Variants in LAMA2 observed in about 807,000 individuals in gnomAD.
The protein encoded by LAMA2 is laminin subunit alpha 2.
A neutral mutation model predicts 364.8 loss-of-function variants in LAMA2; 269 were observed. The ratio of observed to expected loss-of-function variants is 0.74; its 90% CI spans 0.67 to 0.82. The LOEUF is 0.82. LAMA2 is among the 40% of genes least tolerant of loss of function. LAMA2 has a pLI of 0.00. For missense variants in LAMA2, 3,807 were observed against 3,873.2 expected, an observed-to-expected ratio of 0.98 and a Z score of 0.45; for synonymous variants, 1,379 against 1,370.6, an observed-to-expected ratio of 1.01 and a Z score of -0.14.
intron 1 of LAMA2, among the ~76,000 whole-genome samples, chr6:129,029,695 A>T (rs892532628): frequency 5.3e-5 from 8 of 152,158 alleles, no homozygotes; most frequent in African/African-American, 1.9e-4. Flanking sequence ...GAAATATATG[A>T]ATTGTGAGAT....
rs1478754844 is a variant in LAMA2, at chr6:129,440,985, T to C, written c.6255T>C (p.Asp2085=). 1.2e-6 allele frequency: 2 copies of C among 1,613,310 alleles called. No individual in the cohort carries two copies. Among genetic ancestry groups the C allele is most frequent in the Admixed American group, 3.3e-5 (2 of 59,978 alleles). ...CCAAAACGAATGCTGTGGTTAAAGA[T>C]CCTTCCAAGAACAGTAAGATCTCCT... ...SVAKTNAVVK[D]PSKNKIIADA... Residue 2085 remains aspartate, a synonymous_variant, in exon 43 of 65, where the codon GAT becomes GAC. Coordinates refer to ENST00000421865, the MANE Select transcript of LAMA2 (RefSeq NM_000426.4).
intron 12 of LAMA2, among the ~76,000 whole-genome samples, chr6:129,205,790 T>G (rs1782603913): frequency 1.3e-5 from 2 of 151,992 alleles, no homozygotes; most frequent in Admixed American, 1.3e-4. Context: ...TTTTGGTGGT[T>G]GAGACAGGCA....
chr6:129,390,446 A>G (rs1317455356), intron 35 of LAMA2, among the ~76,000 whole-genome samples: 4 of 152,032 alleles, frequency 2.6e-5, no homozygotes, highest in African/African-American at 9.7e-5. Context: ...TCTCTCCAAG[A>G]ATAGAAATTA....
At chr6:128,920,004 A>G (rs1778589518) in intron 1 of LAMA2, among the ~76,000 whole-genome samples, 1 of 152,146 alleles carries the variant, frequency 6.6e-6, no homozygotes. Flanking sequence ...TTTTTAAATC[A>G]TAAAAATGAG....
intron 51 of LAMA2, among the ~76,000 whole-genome samples, chr6:129,465,957 A>AT (rs772138745): frequency 3.1e-4 from 47 of 152,012 alleles, no homozygotes; most frequent in Non-Finnish European, 6.3e-4. Flanking sequence ...TAAGTATATA[A>AT]TTGCTCTAAT....
chr6:129,046,435 G>A (rs1258270379), intron 1 of LAMA2, among the ~76,000 whole-genome samples: 1 of 152,194 alleles, frequency 6.6e-6, no homozygotes, highest in Non-Finnish European at 1.5e-5. Context: ...AAGAGAGCAT[G>A]TGCAGGGGAA....
intron 1 of LAMA2, among the ~76,000 whole-genome samples, chr6:129,004,882 A>G (rs1271092362): frequency 6.6e-6 from 1 of 151,980 alleles, no homozygotes; most frequent in East Asian, 1.9e-4. Flanking sequence ...TTTTCAGGAT[A>G]TATATATAGT....
intron 12 of LAMA2, among the ~76,000 whole-genome samples, chr6:129,235,299 GA>G (rs1234748066): frequency 6.6e-6 from 1 of 152,160 alleles, no homozygotes; most frequent in Non-Finnish European, 1.5e-5. Flanking sequence ...AAGCCTTAGT[GA>G]AAAGTGAATG....
chr6:129,197,213 G>A (rs917073594), intron 12 of LAMA2, among the ~76,000 whole-genome samples: 35 of 152,082 alleles, frequency 2.3e-4, no homozygotes, highest in Non-Finnish European at 7.4e-5. Flanking sequence ...GCTGTCTCTT[G>A]GGGAAATTTG....
Position 129,192,713 on chromosome 6 carries a change from C to T in LAMA2, c.1642C>T (p.Leu548Phe), listed in dbSNP as rs751520961. Residue 548 changes from leucine (L) to phenylalanine (F), a missense_variant, in exon 12 of 65, where the codon CTT (leucine) becomes TTT (phenylalanine). Transcript: ENST00000421865. ...TATGAGTGGCTGGTATCTGACTGAC[C>T]TTCCTGGCCGCATTCGAGTGGCTCC... Reference protein sequence around the residue: ...QDMSGWYLTDLPGRIRVAPQQ... With the variant: ...QDMSGWYLTDFPGRIRVAPQQ... 1.2e-6 allele frequency: 2 copies of T among 1,614,124 alleles called. No homozygotes were observed. The highest frequency in any genetic ancestry group is 1.7e-5 in the Admixed American group (1 of 60,026).
intron 6 of LAMA2, among the ~76,000 whole-genome samples, chr6:129,147,451 A>G (rs1285241869): frequency 6.6e-6 from 1 of 151,838 alleles, no homozygotes; most frequent in Non-Finnish European, 1.5e-5. Context: ...AAGTAAATAT[A>G]TAAGTGACAA....
chr6:128,933,278 G>A (rs567506695), intron 1 of LAMA2, among the ~76,000 whole-genome samples: 18 of 151,772 alleles, frequency 1.2e-4, no homozygotes, highest in African/African-American at 4.1e-4. Flanking sequence ...GTGTGTCTGT[G>A]TATGTGTGTA....
chr6:129,158,833 T>A, intron 8 of LAMA2: 1 of 1,614,152 alleles, frequency 6.2e-7, no homozygotes, highest in South Asian at 1.1e-5. Context: ...ACCCTGAAGC[T>A]AATGTGGTTT....
chr6:129,344,007 A>C (rs1301550519), intron 30 of LAMA2, among the ~76,000 whole-genome samples: 6 of 152,200 alleles, frequency 3.9e-5, no homozygotes, highest in African/African-American at 7.2e-5. Flanking sequence ...TCACAGATGA[A>C]AATGAATGGG....
chr6:129,505,432 A>G (rs2114901682), intron 61 of LAMA2, 77 bp downstream of exon 61: 1 of 1,189,960 alleles, frequency 8.4e-7, no homozygotes, highest in African/African-American at 1.5e-5. Context: ...TTATTAGGTC[A>G]CATGGGCCCA....
intron 10 of LAMA2, among the ~76,000 whole-genome samples, chr6:129,179,470 C>A (rs781001431): frequency 4.6e-5 from 7 of 152,014 alleles, no homozygotes; most frequent in African/African-American, 9.7e-5. Flanking sequence ...GTAAATATAG[C>A]GAGAAAGGCT....
At chr6:129,489,494 T>C (rs1295020731) in intron 56 of LAMA2, among the ~76,000 whole-genome samples, 1 of 152,214 alleles carries the variant, frequency 6.6e-6, no homozygotes, top group Non-Finnish European at 1.5e-5. Flanking sequence ...CCAGCAGTTC[T>C]TACTGGACAA....
intron 9 of LAMA2, among the ~76,000 whole-genome samples, chr6:129,173,038 G>A (rs563561226): frequency 3.9e-5 from 6 of 152,056 alleles, no homozygotes; most frequent in Non-Finnish European, 8.8e-5. Context: ...GGCTCGCGCA[G>A]GGTGCGCGCA....
At chr6:129,009,419 C>T (rs575616720) in intron 1 of LAMA2, among the ~76,000 whole-genome samples, 39 of 151,372 alleles carry the variant, frequency 2.6e-4, no homozygotes, top group Non-Finnish European at 5.2e-4. Context: ...ATAAGTAATT[C>T]AAAAAGTCAC....
Sources: gnomAD v4.1 joint callset for allele counts (sites outside exome capture counted in the v4.1 genomes callset) on GRCh38, gnomAD v4.1.1 for gene constraint, MANE v1.5 for transcripts, NCBI Gene and HGNC (gene_info 2026-07-23, HGNC 2026-07-21) for gene names.